Variants in ITFG1 observed in about 807,000 individuals in gnomAD.
The protein encoded by ITFG1 is integrin alpha FG-GAP repeat containing 1.
In ITFG1, 34 loss-of-function variants were observed where a neutral mutation model predicts 81.8. The observed-to-expected ratio is 0.42, with a 90% confidence interval of 0.32 to 0.55. The LOEUF is 0.55. ITFG1 is among the 20% of genes least tolerant of loss of function. ITFG1 has a pLI of 0.17. For missense variants in ITFG1, 672 were observed against 755.4 expected (o/e 0.89, Z 1.29); for synonymous variants, 285 against 270.6 (o/e 1.05, Z -0.52).
At chr16:47,454,816 C>T (rs887131152) in intron 2 of ITFG1, among the ~76,000 whole-genome samples, 4 of 152,004 alleles carry the variant, frequency 2.6e-5, no homozygotes, top group East Asian at 1.9e-4. Context: ...GAAAGCTTAA[C>T]GTCCTGCAGT....
intron 16 of ITFG1, chr16:47,161,530 C>T: frequency 2.7e-6 from 1 of 367,000 alleles, no homozygotes. Context: ...AATTAGTTAA[C>T]CTCCTGTTTT....
chr16:47,312,403 G>T (rs1232725525), intron 9 of ITFG1: 1 of 151,888 alleles, frequency 6.6e-6, no homozygotes, highest in East Asian at 1.9e-4. Context: ...CTTGAAAAGG[G>T]GTTAATAAAC....
At chr16:47,186,066 G>C (rs1380020286) in intron 14 of ITFG1, among the ~76,000 whole-genome samples, 2 of 152,092 alleles carry the variant, frequency 1.3e-5, no homozygotes, top group Non-Finnish European at 2.9e-5. Flanking sequence ...CCAGGAAGAA[G>C]TTGAATCTCT....
At chr16:47,244,130 C>G (rs1184403958) in intron 12 of ITFG1, among the ~76,000 whole-genome samples, 1 of 152,206 alleles carries the variant, frequency 6.6e-6, no homozygotes, top group Non-Finnish European at 1.5e-5. Flanking sequence ...ACATCATGTT[C>G]AAAAACAGGG....
chr16:47,250,409 T>G (rs879422352), intron 12 of ITFG1, among the ~76,000 whole-genome samples: 13 of 151,458 alleles, frequency 8.6e-5, no homozygotes, highest in Non-Finnish European at 1.8e-4. Context: ...TTTGTTAAAA[T>G]TTTTGCTAAA....
intron 13 of ITFG1, among the ~76,000 whole-genome samples, chr16:47,219,376 C>T (rs1965663781): frequency 6.6e-6 from 1 of 152,118 alleles, no homozygotes; most frequent in Non-Finnish European, 1.5e-5. Context: ...TGATTAGTTC[C>T]ACCACATTTA....
At chr16:47,341,301 T>C (rs1458234523) in intron 8 of ITFG1, among the ~76,000 whole-genome samples, 4 of 145,730 alleles carry the variant, frequency 2.7e-5, no homozygotes, top group Non-Finnish European at 4.5e-5. Flanking sequence ...ATTAGCCAGG[T>C]GTGGTGCGCA....
chr16:47,229,661 G>A (rs1431416134), intron 13 of ITFG1, among the ~76,000 whole-genome samples: 1 of 152,072 alleles, frequency 6.6e-6, no homozygotes, highest in African/African-American at 2.4e-5. Context: ...ACAGTTGTGG[G>A]GAAAGAATGA....
At chr16:47,350,193 A>C (rs889247036) in intron 8 of ITFG1, among the ~76,000 whole-genome samples, 6 of 152,212 alleles carry the variant, frequency 3.9e-5, no homozygotes, top group African/African-American at 1.4e-4. Flanking sequence ...AGCTAGCAGA[A>C]GGCAAGAAAT....
chr16:47,331,444 C>T (rs2151573882), intron 8 of ITFG1, among the ~76,000 whole-genome samples: 1 of 152,140 alleles, frequency 6.6e-6, no homozygotes, highest in East Asian at 1.9e-4. Context: ...TATACCCATG[C>T]AACAAATCTG....
intron 8 of ITFG1, among the ~76,000 whole-genome samples, chr16:47,355,644 T>C (rs1968029711): frequency 6.6e-6 from 1 of 152,192 alleles, no homozygotes; most frequent in Admixed American, 6.6e-5. Flanking sequence ...ATCCCACAAA[T>C]ATGTATAAGT....
intron 6 of ITFG1, among the ~76,000 whole-genome samples, chr16:47,378,323 G>C (rs1179836415): frequency 2.0e-5 from 3 of 152,176 alleles, no homozygotes; most frequent in Admixed American, 1.3e-4. Flanking sequence ...CAAAGGTCTG[G>C]TGTCTTGATA....
At chr16:47,309,729 T>C (rs1475860014) in intron 10 of ITFG1, among the ~76,000 whole-genome samples, 1 of 152,192 alleles carries the variant, frequency 6.6e-6, no homozygotes, top group Non-Finnish European at 1.5e-5. Context: ...AGTACTTATT[T>C]TTCCTGCAGA....
chr16:47,255,572 C>T (rs1053690940), intron 12 of ITFG1, among the ~76,000 whole-genome samples: 2 of 152,182 alleles, frequency 1.3e-5, no homozygotes, highest in African/African-American at 4.8e-5. Flanking sequence ...GAGTCAGAGG[C>T]ATCAAGTGTT....
chr16:47,454,417 T>C (rs780127900), intron 2 of ITFG1, among the ~76,000 whole-genome samples: 3 of 152,202 alleles, frequency 2.0e-5, no homozygotes, highest in African/African-American at 4.8e-5. Flanking sequence ...TTTATTATGT[T>C]CAAGCAATGG....
chr16:47,386,780 G>C (rs765338346), intron 6 of ITFG1, among the ~76,000 whole-genome samples: 1 of 152,232 alleles, frequency 6.6e-6, no homozygotes, highest in Non-Finnish European at 1.5e-5. Flanking sequence ...CAGGAGAAGC[G>C]TCAGGCTGTA....
chr16:47,389,903 G>A (rs1968509358), intron 6 of ITFG1, among the ~76,000 whole-genome samples: 1 of 152,216 alleles, frequency 6.6e-6, no homozygotes, highest in Admixed American at 6.5e-5. Flanking sequence ...ATAGTAAACA[G>A]AAGGCAGATG....
chr16:47,307,333 A>G (rs1967186055), intron 10 of ITFG1, among the ~76,000 whole-genome samples: 1 of 152,106 alleles, frequency 6.6e-6, no homozygotes, highest in Non-Finnish European at 1.5e-5. Flanking sequence ...ATCTTTTAAT[A>G]TATCTCCATT....
intron 6 of ITFG1, among the ~76,000 whole-genome samples, chr16:47,409,587 T>A (rs1311358080): frequency 2.7e-5 from 4 of 149,296 alleles, no homozygotes; most frequent in Non-Finnish European, 4.5e-5. Flanking sequence ...AGCTAATTTT[T>A]GTATTTTTTT....
Sources: gnomAD v4.1 joint callset for allele counts (sites outside exome capture counted in the v4.1 genomes callset) on GRCh38, gnomAD v4.1.1 for gene constraint, MANE v1.5 for transcripts, NCBI Gene and HGNC (gene_info 2026-07-23, HGNC 2026-07-21) for gene names.